The following TXNDC16 variants were observed in gnomAD, a reference collection of about 807,000 sequenced individuals.
TXNDC16 encodes thioredoxin domain containing 16.
In TXNDC16, 74 loss-of-function variants were observed where a neutral mutation model predicts 85.6. The observed-to-expected ratio is 0.86, with a 90% CI of 0.72 to 1.05. TXNDC16 has a LOEUF of 1.05. Among genes scored for constraint, TXNDC16 ranks in the 50% least tolerant of loss-of-function variants. The pLI is 0.00. For synonymous variants in TXNDC16, 335 were observed against 326.5 expected (o/e 1.03, Z -0.28); for missense variants, 959 against 947.0 (o/e 1.01, Z -0.17).
chr14:52,505,405 C>A (rs569565896), intron 9 of TXNDC16, among the ~76,000 whole-genome samples: 62 of 152,220 alleles, frequency 4.1e-4, no homozygotes, highest in Admixed American at 1.5e-3. Flanking sequence ...ACTCAGGATT[C>A]AGAAACTCAT....
At chr14:52,440,195 G>C (rs192620237) in intron 19 of TXNDC16, among the ~76,000 whole-genome samples, 2 of 152,192 alleles carry the variant, frequency 1.3e-5, no homozygotes, top group African/African-American at 4.8e-5. Context: ...AGGAAATATT[G>C]CTGATGAATG....
At chr14:52,523,926 G>C (rs1251003988) in intron 6 of TXNDC16, among the ~76,000 whole-genome samples, 3 of 152,176 alleles carry the variant, frequency 2.0e-5, no homozygotes, top group African/African-American at 7.2e-5. Flanking sequence ...GAAGCACTTT[G>C]TATAAAAATT....
At chr14:52,442,306 C>T (rs377386560) in intron 18 of TXNDC16, among the ~76,000 whole-genome samples, 16 of 152,154 alleles carry the variant, frequency 1.1e-4, no homozygotes, top group African/African-American at 3.6e-4. Context: ...AGATAACCCC[C>T]AGCTGACATA....
intron 14 of TXNDC16, among the ~76,000 whole-genome samples, chr14:52,474,439 G>A (rs1166205128): frequency 5.3e-5 from 8 of 151,974 alleles, no homozygotes; most frequent in Non-Finnish European, 4.4e-5. Flanking sequence ...AAGAGGATCT[G>A]CTTTTTAAAA....
rs552478114 is a variant in TXNDC16, at chr14:52,441,292, C to A, written c.1843-568G>T. 1.1e-4 allele frequency among the ~76,000 whole-genome samples: 17 copies of A among 152,080 alleles called. No individual in the cohort carries two copies. The South Asian group carries it at 1.2e-3, about 11-fold the overall frequency. On this transcript the variant is annotated intron_variant, in intron 18 of 20. Transcript: ENST00000281741. ...TTAATATGAAATTAGAAATCTAATC[C>A]TTTTATCATTTTTATTACTAATTAA...
At chr14:52,481,752 C>T (rs2036155898) in intron 14 of TXNDC16, among the ~76,000 whole-genome samples, 1 of 152,122 alleles carries the variant, frequency 6.6e-6, no homozygotes. Context: ...TGAGGTTTCA[C>T]AGGATGGTTA....
chr14:52,493,705 G>C (rs1246053180), intron 9 of TXNDC16, among the ~76,000 whole-genome samples: 1 of 152,076 alleles, frequency 6.6e-6, no homozygotes, highest in African/African-American at 2.4e-5. Flanking sequence ...GATTGAAAGA[G>C]CCCACTGAAT....
intron 20 of TXNDC16, among the ~76,000 whole-genome samples, chr14:52,438,234 G>A (rs1229970854): frequency 6.6e-6 from 1 of 152,202 alleles, no homozygotes; most frequent in Admixed American, 6.5e-5. Context: ...TCAAAGGATT[G>A]ATTCCAATTT....
intron 16 of TXNDC16, among the ~76,000 whole-genome samples, chr14:52,464,386 T>G (rs2035723454): frequency 6.6e-6 from 1 of 152,216 alleles, no homozygotes; most frequent in East Asian, 1.9e-4. Flanking sequence ...GTTTTATTGC[T>G]GAGTTTTTAC....
intron 9 of TXNDC16, among the ~76,000 whole-genome samples, chr14:52,507,297 G>A (rs1366895718): frequency 6.6e-6 from 1 of 152,094 alleles, no homozygotes; most frequent in Admixed American, 6.5e-5. Flanking sequence ...CAAATCATGA[G>A]TGAACTCCCA....
rs142374472 is a variant in TXNDC16, at chr14:52,494,937, T to C, written c.757-3932A>G. ...TACCTTAATGTCACATGTGTTGTGC[T>C]TAAGGAGGGATACATCTAATTAACA... On this transcript the variant is annotated intron_variant, in intron 9 of 20. Coordinates refer to ENST00000281741, the MANE Select transcript of TXNDC16 (RefSeq NM_020784.3). Among the ~76,000 whole-genome samples, 728 of 152,298 alleles carry C rather than the reference T, an allele frequency of 4.8e-3. 14 individuals are homozygous for C. The highest frequency in any genetic ancestry group is 0.039 in the Admixed American group (601 of 15,302).
intron 7 of TXNDC16, among the ~76,000 whole-genome samples, chr14:52,517,935 C>A (rs1240029677): frequency 1.3e-5 from 2 of 152,178 alleles, no homozygotes; most frequent in Non-Finnish European, 1.5e-5. Context: ...TAAACCCCTA[C>A]CACTCTACAG....
intron 9 of TXNDC16, among the ~76,000 whole-genome samples, chr14:52,503,302 G>C (rs914889486): frequency 3.3e-5 from 5 of 152,206 alleles, no homozygotes; most frequent in African/African-American, 9.6e-5. Flanking sequence ...CCCCCAAGTA[G>C]CCTCACTGGG....
intron 11 of TXNDC16, among the ~76,000 whole-genome samples, chr14:52,489,705 A>G (rs1350295760): frequency 6.6e-6 from 1 of 152,224 alleles, no homozygotes; most frequent in Non-Finnish European, 1.5e-5. Flanking sequence ...TTGTATAACC[A>G]CCATACAGAT....
In TXNDC16 at chr14:52,544,347, G is replaced by T. The variant is rs1404442295; in HGVS notation, c.-157C>A. ...AATTTTTCTTGAACAACTTCAAGAA[G>T]TTTTCTACTGATGATCTATGTTATC... On this transcript the variant is annotated 5_prime_UTR_variant, in exon 2 of 21. Transcript: ENST00000281741. 6.6e-6 allele frequency: 1 copy of T among 151,954 alleles called. No homozygotes were observed. The highest frequency in any genetic ancestry group is 2.4e-5 in the African/African-American group (1 of 41,400). The allele number at this position is 151,954 out of a possible 1,614,324, so 9.4% of individuals were successfully genotyped here.
chr14:52,528,889 T>A (rs1223833826), intron 6 of TXNDC16, among the ~76,000 whole-genome samples: 1 of 147,730 alleles, frequency 6.8e-6, no homozygotes, highest in African/African-American at 2.5e-5. Flanking sequence ...ATATTATCTA[T>A]AATACCTATT....
In TXNDC16 at chr14:52,434,300, A is replaced by G. The variant is rs145514016; in HGVS notation, c.2195-1713T>C. Among the ~76,000 whole-genome samples, 1,020 of 152,354 alleles carry G rather than the reference A, an allele frequency of 6.7e-3. 9 individuals carry two copies. Among genetic ancestry groups the G allele is most frequent in the South Asian group, 0.014 (67 of 4,830 alleles). Reference sequence around the variant, plus strand: ...CCTAGCGGTCTGAGACTATGACAAAATGCCTGAAACATCCCAATTCTGCTA... The same window carrying G: ...CCTAGCGGTCTGAGACTATGACAAAGTGCCTGAAACATCCCAATTCTGCTA... On this transcript the variant is annotated intron_variant, in intron 20 of 20. Coordinates refer to ENST00000281741, the MANE Select transcript of TXNDC16 (RefSeq NM_020784.3).
intron 12 of TXNDC16, among the ~76,000 whole-genome samples, chr14:52,484,909 A>G (rs2036233972): frequency 6.6e-6 from 1 of 152,150 alleles, no homozygotes; most frequent in East Asian, 1.9e-4. Context: ...TACAGCACAT[A>G]TAATTATGTA....
rs184665957 is a variant in TXNDC16, at chr14:52,497,562, T to C, written c.757-6557A>G. ...GTATGAGCAATATCCCTAATGAATATTAAGGCAAAAATCCTCAACAAAAAC... is the reference window on the plus strand; with the variant it reads ...GTATGAGCAATATCCCTAATGAATACTAAGGCAAAAATCCTCAACAAAAAC... On this transcript the variant is annotated intron_variant, in intron 9 of 20. Transcript: ENST00000281741. Among the ~76,000 whole-genome samples, 180 of 152,278 alleles carry C rather than the reference T, an allele frequency of 1.2e-3. 1 individual carries two copies. Among genetic ancestry groups the C allele is most frequent in the African/African-American group, 4.1e-3 (172 of 41,566 alleles).
Sources: gnomAD v4.1 joint callset for allele counts (sites outside exome capture counted in the v4.1 genomes callset) on GRCh38, gnomAD v4.1.1 for gene constraint, MANE v1.5 for transcripts, NCBI Gene and HGNC (gene_info 2026-07-23, HGNC 2026-07-21) for gene names.